Variants in CEP57L1 observed in about 807,000 individuals in gnomAD.
The protein encoded by CEP57L1 is centrosomal protein 57 like 1, also known as centrosomal protein CEP57L1.
Under a neutral mutation model 61.0 loss-of-function variants are expected in CEP57L1, and 37 were observed. That is an observed-to-expected ratio of 0.61 (90% CI 0.47 to 0.80). The LOEUF (loss-of-function observed/expected upper bound fraction) is 0.80, where lower values mean the gene tolerates loss of function less well. Among genes scored for constraint, CEP57L1 ranks in the 30% least tolerant of loss-of-function variants. The pLI, the probability that CEP57L1 is intolerant of heterozygous loss-of-function variation, is 0.00. For missense variants in CEP57L1, 422 were observed against 524.7 expected (o/e 0.80, Z 1.91); for synonymous variants, 137 against 162.3 (o/e 0.84, Z 1.19).
At chr6:109,135,095 C>G (rs1255413489) in intron 1 of CEP57L1, among the ~76,000 whole-genome samples, 1 of 152,026 alleles carries the variant, frequency 6.6e-6, no homozygotes, top group Non-Finnish European at 1.5e-5. Context: ...AAAAAGAGCC[C>G]GCATCGCCAA....
At position 109,145,260 on chromosome 6, in the gene CEP57L1, T is replaced by C. The variant is rs777804384; in HGVS notation, c.39T>C (p.Tyr13=). 1.4e-5 allele frequency: 23 copies of C among 1,600,772 alleles called. No individual in the cohort carries two copies. In the South Asian group the frequency reaches 1.7e-4, roughly 12 times the overall value. Residue 13 remains tyrosine, a synonymous_variant, in exon 2 of 11, where the codon TAT becomes TAC. Coordinates refer to ENST00000517392, the MANE Select transcript of CEP57L1 (RefSeq NM_001271852.3). ...TAATGCATAGTATAGTAGGAAGCTA[T>C]CATAAACCTCCAGAAAGAGTATTTG... ...SELMHSIVGS[Y]HKPPERVFVP... is the part of the protein sequence containing the mutation.
At chr6:109,111,262 C>T (rs975576909) in intron 1 of CEP57L1, among the ~76,000 whole-genome samples, 1 of 152,002 alleles carries the variant, frequency 6.6e-6, no homozygotes, top group African/African-American at 2.4e-5. Flanking sequence ...AGTTGTATTC[C>T]TAGGTATTTT....
chr6:109,101,488 T>G (rs896757204), intron 1 of CEP57L1, among the ~76,000 whole-genome samples: 1 of 152,242 alleles, frequency 6.6e-6, no homozygotes, highest in Non-Finnish European at 1.5e-5. Context: ...ATGAATAAAG[T>G]GTCCTAAAAA....
At chr6:109,157,153 A>G (rs945358411) in intron 7 of CEP57L1, 1 of 152,164 alleles carries the variant, frequency 6.6e-6, no homozygotes, top group Non-Finnish European at 1.5e-5. Context: ...AGAGTAATTA[A>G]CAGCAGAATC....
At chr6:109,135,009 A>G (rs1235084788) in intron 1 of CEP57L1, among the ~76,000 whole-genome samples, 48 of 152,350 alleles carry the variant, frequency 3.2e-4, no homozygotes, top group Non-Finnish European at 4.3e-4. Flanking sequence ...TATAGATTCA[A>G]TGCCATCCCC....
At chr6:109,122,368 G>C (rs1773072761) in intron 1 of CEP57L1, among the ~76,000 whole-genome samples, 1 of 152,052 alleles carries the variant, frequency 6.6e-6, no homozygotes, top group Admixed American at 6.6e-5. Flanking sequence ...TTTTTCATTT[G>C]TTTATATTGC....
intron 1 of CEP57L1, among the ~76,000 whole-genome samples, chr6:109,116,135 T>G (rs1772261610): frequency 1.0e-5 from 1 of 99,344 alleles, no homozygotes; most frequent in Non-Finnish European, 2.1e-5. Context: ...TTGTGTTATG[T>G]TATGTTATGT....
Position 109,170,558 on chromosome 6 carries a change from G to A in CEP57L1, c.*7588G>A, listed in dbSNP as rs1253167772. On this transcript the variant is annotated 3_prime_UTR_variant, in exon 11 of 11. Coordinates refer to ENST00000517392, the MANE Select transcript of CEP57L1 (RefSeq NM_001271852.3). ...TTACAGGGCAATTGTCCAGAATCTT[G>A]CTGAATTGGAAAGTATTTCACTCTT... is the stretch of plus-strand genomic sequence containing the variant. Among the ~76,000 whole-genome samples, 12 of 152,126 alleles carry A rather than the reference G, an allele frequency of 7.9e-5. No individual in the cohort carries two copies. Among genetic ancestry groups the A allele is most frequent in the Non-Finnish European group, 2.9e-5 (2 of 68,008 alleles).
intron 1 of CEP57L1, among the ~76,000 whole-genome samples, chr6:109,119,657 G>A (rs979840012): frequency 6.6e-6 from 1 of 152,204 alleles, no homozygotes; most frequent in Non-Finnish European, 1.5e-5. Flanking sequence ...ATCTTAGGCA[G>A]AAGTAAAGAA....
rs935915485 is a variant in CEP57L1, at chr6:109,165,166, AAACCAC to A, written c.*2200_*2205del. Among the ~76,000 whole-genome samples the A allele has an allele frequency of 3.3e-5, 5 of 152,176 alleles. No individual in the cohort carries two copies. Among genetic ancestry groups the A allele is most frequent in the Admixed American group, 2.6e-4 (4 of 15,266 alleles). ...AAAAATTAGTCCAGTGTAGTAGAAA[AAACCAC>A]AACTTCAGAGCTAGGAAACTTGGTT... On this transcript the variant is annotated 3_prime_UTR_variant, in exon 11 of 11. Transcript: ENST00000517392.
At chr6:109,109,713 G>A (rs543134608) in intron 1 of CEP57L1, among the ~76,000 whole-genome samples, 53 of 152,164 alleles carry the variant, frequency 3.5e-4, no homozygotes, top group African/African-American at 1.2e-3. Flanking sequence ...TGACAGGCCC[G>A]GGTGAGTGAT....
At chr6:109,140,987 C>T (rs571566256) in intron 1 of CEP57L1, among the ~76,000 whole-genome samples, 316 of 151,812 alleles carry the variant, frequency 2.1e-3, no homozygotes, top group Admixed American at 4.1e-3. Flanking sequence ...CCCACCACCA[C>T]ACCCGGCTAA....
chr6:109,164,154 A>G lies in CEP57L1; in HGVS notation c.*1184A>G, dbSNP rs535702958. Among the ~76,000 whole-genome samples the G allele has an allele frequency of 6.6e-6, 1 of 152,290 alleles. No homozygotes were observed. Among genetic ancestry groups the G allele is most frequent in the Admixed American group, 6.5e-5 (1 of 15,290 alleles). Reference sequence around the variant, plus strand: ...CCACAGCTGATGGAATGTTCAAGCTATAGATGTGAAAGAATTTTTAGGTCA... The same window carrying G: ...CCACAGCTGATGGAATGTTCAAGCTGTAGATGTGAAAGAATTTTTAGGTCA... On this transcript the variant is annotated 3_prime_UTR_variant, in exon 11 of 11. Transcript: ENST00000517392.
chr6:109,097,635 C>G (rs922524443), intron 1 of CEP57L1, among the ~76,000 whole-genome samples: 3 of 152,136 alleles, frequency 2.0e-5, no homozygotes, highest in African/African-American at 7.2e-5. Context: ...TGTCATAGAG[C>G]TTGCATTCTA....
chr6:109,131,746 A>T (rs1774228506), intron 1 of CEP57L1, among the ~76,000 whole-genome samples: 1 of 152,096 alleles, frequency 6.6e-6, no homozygotes, highest in South Asian at 2.1e-4. Flanking sequence ...ACAAGCCTGT[A>T]AATAATGAGA....
At chr6:109,099,849 T>C (rs1228092113) in intron 1 of CEP57L1, among the ~76,000 whole-genome samples, 1 of 152,106 alleles carries the variant, frequency 6.6e-6, no homozygotes, top group Admixed American at 6.5e-5. Flanking sequence ...TGCCCAACAA[T>C]GGGTACTTTT....
intron 1 of CEP57L1, among the ~76,000 whole-genome samples, chr6:109,097,456 A>G (rs990871798): frequency 3.9e-5 from 6 of 152,194 alleles, no homozygotes; most frequent in Non-Finnish European, 8.8e-5. Context: ...ACTCTTTCAG[A>G]CTAACTTCAT....
In CEP57L1 at chr6:109,165,538, G is replaced by A. The variant is rs1774043368; in HGVS notation, c.*2568G>A. ...TATTTTGGTTTTTATCTCTTTCTGT[G>A]TGCCTGAAGGGAAATGGCTTTGTCA... On this transcript the variant is annotated 3_prime_UTR_variant, in exon 11 of 11. Coordinates refer to ENST00000517392, the MANE Select transcript of CEP57L1 (RefSeq NM_001271852.3). Among the ~76,000 whole-genome samples the A allele has an allele frequency of 6.6e-6, 1 of 151,984 alleles. No homozygotes were observed. Among genetic ancestry groups the A allele is most frequent in the Admixed American group, 6.6e-5 (1 of 15,256 alleles).
In CEP57L1 at chr6:109,164,695, G is replaced by T. The variant is rs747403409; in HGVS notation, c.*1725G>T. On this transcript the variant is annotated 3_prime_UTR_variant, in exon 11 of 11. Transcript: ENST00000517392. ...TGCAGACCTATAGTTCTGTGCCTTT[G>T]TTTTCTATACATTTAGGAAGGTGGC... Among the ~76,000 whole-genome samples, 5 of 151,980 alleles carry T rather than the reference G, an allele frequency of 3.3e-5. No homozygotes were observed. Among genetic ancestry groups the T allele is most frequent in the Non-Finnish European group, 7.4e-5 (5 of 68,002 alleles).
Sources: allele counts gnomAD v4.1 joint callset (sites outside exome capture counted in the v4.1 genomes callset), GRCh38; gene constraint gnomAD v4.1.1; transcripts MANE v1.5; gene names NCBI Gene and HGNC (gene_info 2026-07-23, HGNC 2026-07-21).